Variants in GRM7 observed in about 807,000 individuals in gnomAD.
GRM7 encodes the protein metabotropic glutamate receptor 7.
In GRM7, 35 loss-of-function variants were observed where a neutral mutation model predicts 84.5. The ratio of observed to expected loss-of-function variants is 0.41; its 90% CI spans 0.32 to 0.55. GRM7 has a LOEUF of 0.55. GRM7 is among the 20% of genes least tolerant of loss of function. GRM7 has a pLI of 0.19. For synonymous variants in GRM7, 487 were observed against 455.1 expected, an observed-to-expected ratio of 1.07 and a Z score of -0.89; for missense variants, 1,003 against 1,194.6, an observed-to-expected ratio of 0.84 and a Z score of 2.36.
chr3:7,352,657 A>G lies in GRM7; in HGVS notation c.1033+46005A>G, dbSNP rs201763646. ...GGAAAGAATGGACTCTTGCAAGAGA[A>G]TACGGATGTGTGTGAGGACCTTGAT... On this transcript the variant is annotated intron_variant, in intron 4 of 9. Coordinates refer to ENST00000357716, the MANE Select transcript of GRM7 (RefSeq NM_000844.4). Among the ~76,000 whole-genome samples the G allele has an allele frequency of 1.4e-4, 22 of 152,254 alleles. No individual in the cohort carries two copies. In the East Asian group the frequency reaches 4.1e-3, roughly 28 times the overall value.
At chr3:7,095,891 G>A (rs755047471) in intron 1 of GRM7, among the ~76,000 whole-genome samples, 1 of 151,958 alleles carries the variant, frequency 6.6e-6, no homozygotes, top group African/African-American at 2.4e-5. Flanking sequence ...AAGCCTATGA[G>A]AAAAATAGTG....
At chr3:7,334,819 G>A (rs770957638) in intron 4 of GRM7, among the ~76,000 whole-genome samples, 3 of 152,098 alleles carry the variant, frequency 2.0e-5, no homozygotes, top group South Asian at 2.1e-4. Flanking sequence ...GTTAGATAAA[G>A]AGGAACATTA....
intron 8 of GRM7, among the ~76,000 whole-genome samples, chr3:7,670,617 A>G (rs1400888726): frequency 1.3e-5 from 2 of 152,192 alleles, no homozygotes; most frequent in Admixed American, 6.5e-5. Context: ...TTCTCTTTTT[A>G]TGTTCATTAG....
chr3:7,480,804 G>T (rs779343788), intron 7 of GRM7, among the ~76,000 whole-genome samples: 1 of 152,130 alleles, frequency 6.6e-6, no homozygotes, highest in Non-Finnish European at 1.5e-5. Context: ...TACCACCACC[G>T]CTAACATTCT....
chr3:7,696,105 G>A lies in GRM7; in HGVS notation c.2698+15810G>A, dbSNP rs73123713. On this transcript the variant is annotated intron_variant, in intron 9 of 9. Coordinates refer to ENST00000357716, the MANE Select transcript of GRM7 (RefSeq NM_000844.4). ...AGAAGGTAAAAAGAGGGATAAGAAC[G>A]TCCTTTACAGAAGAGTTCCTGTTGT... Among the ~76,000 whole-genome samples the A allele has an allele frequency of 8.0e-3, 1,215 of 152,178 alleles. 17 individuals are homozygous for A. Among genetic ancestry groups the A allele is most frequent in the African/African-American group, 0.028 (1,149 of 41,524 alleles).
chr3:6,941,390 A>G (rs962471784), intron 1 of GRM7, among the ~76,000 whole-genome samples: 7 of 152,188 alleles, frequency 4.6e-5, no homozygotes, highest in African/African-American at 1.7e-4. Flanking sequence ...ATAGATACTT[A>G]TTCTTTGTCT....
rs1553617373 is a variant in GRM7, at chr3:7,103,768, T to TC, written c.520-42684_520-42683insC. Among the ~76,000 whole-genome samples the TC allele has an allele frequency of 9.6e-5, 6 of 62,480 alleles. No individual in the cohort carries two copies. The African/African-American group carries it at 1.3e-3, about 14-fold the overall frequency. The allele number at this position is 62,480 out of a possible 152,430, so 41.0% of individuals were successfully genotyped here. A position where few individuals can be genotyped will look rare whatever the true frequency, so the allele number is the denominator to read the frequency against. ...TCTCTCCCTTTCTTTCTTTCTTTCTTTCTTTCTTTCTTTCTTTCTTTCTTT... is the reference window on the plus strand; with the variant it reads ...TCTCTCCCTTTCTTTCTTTCTTTCTTCTCTTTCTTTCTTTCTTTCTTTCTTT... On this transcript the variant is annotated intron_variant, in intron 1 of 9. Transcript: ENST00000357716.
chr3:7,216,726 A>G (rs1022638468), intron 2 of GRM7, among the ~76,000 whole-genome samples: 1 of 151,678 alleles, frequency 6.6e-6, no homozygotes, highest in Non-Finnish European at 1.5e-5. Context: ...AACTGACAGT[A>G]TTTCATATAC....
Position 7,438,182 on chromosome 3 carries a change from C to T in GRM7, c.1175-14425C>T, listed in dbSNP as rs552149826. On this transcript the variant is annotated intron_variant, in intron 5 of 9. Transcript: ENST00000357716. ...GGTAAGTTGACTACTGTATGAAAAT[C>T]GTGTTAAAGAGGTGCCAGGATAGAC... Among the ~76,000 whole-genome samples, 32 of 151,908 alleles carry T rather than the reference C, an allele frequency of 2.1e-4. No homozygotes were observed. In the South Asian group the frequency reaches 6.2e-3, roughly 30 times the overall value.
At chr3:7,730,420 TAAA>T (rs1702284823) in intron 9 of GRM7, among the ~76,000 whole-genome samples, 3 of 152,226 alleles carry the variant, frequency 2.0e-5, no homozygotes, top group African/African-American at 7.2e-5. Context: ...CCCTATTGCC[TAAA>T]ACAGTATCTG....
chr3:7,225,290 A>C (rs1054241601), intron 2 of GRM7, among the ~76,000 whole-genome samples: 2 of 150,970 alleles, frequency 1.3e-5, no homozygotes, highest in African/African-American at 4.8e-5. Context: ...ATATGTGACT[A>C]TATCATTTTC....
At chr3:7,271,177 G>A (rs977814359) in intron 2 of GRM7, among the ~76,000 whole-genome samples, 9 of 152,160 alleles carry the variant, frequency 5.9e-5, no homozygotes, top group African/African-American at 2.2e-4. Context: ...AAGGTTATAT[G>A]TTGAAACCCA....
chr3:7,339,357 A>G (rs537403785), intron 4 of GRM7, among the ~76,000 whole-genome samples: 14 of 152,248 alleles, frequency 9.2e-5, no homozygotes, highest in Middle Eastern at 3.4e-3. Context: ...AGCCTAAGAC[A>G]TGGGAAATAC....
rs1021658417 is a variant in GRM7, at chr3:6,879,498, A to G, written c.519+17591A>G. ...TATTTTGCTTAATCATTCTGCTTAT[A>G]TACAGGGGTAAAATGTTGTCAGCCC... On this transcript the variant is annotated intron_variant, in intron 1 of 9. Transcript: ENST00000357716. Among the ~76,000 whole-genome samples the G allele has an allele frequency of 4.6e-5, 7 of 152,340 alleles. 1 individual carries two copies. The highest frequency in any genetic ancestry group is 3.9e-4 in the East Asian group (2 of 5,190).
chr3:7,040,202 A>G (rs933146718), intron 1 of GRM7, among the ~76,000 whole-genome samples: 17 of 152,206 alleles, frequency 1.1e-4, no homozygotes, highest in African/African-American at 3.9e-4. Flanking sequence ...CAGCGTCTCT[A>G]CAACATAGCT....
intron 7 of GRM7, among the ~76,000 whole-genome samples, chr3:7,522,555 C>T (rs1121606): frequency 0.61 from 93,399 of 151,964 alleles, 29,748 homozygotes; most frequent in African/African-American, 0.79. Context: ...CACACATATA[C>T]TTGGCAGCCA....
chr3:7,088,290 T>C (rs7645754), intron 1 of GRM7, among the ~76,000 whole-genome samples: 10,745 of 152,160 alleles, frequency 0.071, 438 homozygotes, highest in African/African-American at 0.12. Context: ...ATCAGGGAAG[T>C]AAACGTGAAA....
chr3:7,680,262 A>G lies in GRM7; in HGVS notation c.2665A>G (p.Lys889Glu). The change falls in exon 9 of 10, where the codon AAG becomes GAG. Residue 889 changes from lysine to glutamate, a missense_variant. Physicochemically the swap from Lys to Glu is moderately conservative, Grantham distance 56. Transcript: ENST00000357716. ...KPSDRPNGEA[K>E]TELCENVDPN... is the part of the protein sequence containing the mutation. Reference sequence around the variant, plus strand: ...CAGTGACAGACCCAACGGTGAGGCAAAGACCGAGCTCTGTGAAAACGTAGA... The same window carrying G: ...CAGTGACAGACCCAACGGTGAGGCAGAGACCGAGCTCTGTGAAAACGTAGA... 2 of 1,614,196 alleles carry G rather than the reference A, an allele frequency of 1.2e-6. No individual in the cohort carries two copies. Among genetic ancestry groups the G allele is most frequent in the Non-Finnish European group, 1.7e-6 (2 of 1,179,990 alleles).
chr3:6,905,154 AG>A (rs2125009686), intron 1 of GRM7, among the ~76,000 whole-genome samples: 1 of 152,334 alleles, frequency 6.6e-6, no homozygotes, highest in East Asian at 1.9e-4. Context: ...CCTTAAAAAA[AG>A]GTTGGATTTG....
Sources: gnomAD v4.1 joint callset for allele counts (sites outside exome capture counted in the v4.1 genomes callset) on GRCh38, gnomAD v4.1.1 for gene constraint, MANE v1.5 for transcripts, NCBI Gene and HGNC (gene_info 2026-07-23, HGNC 2026-07-21) for gene names.